The following PDE11A variants were observed in gnomAD, a reference collection of about 807,000 sequenced individuals.
PDE11A encodes the protein dual 3',5'-cyclic-AMP and -GMP phosphodiesterase 11A.
Under a neutral mutation model 100.5 loss-of-function variants are expected in PDE11A, and 100 were observed. That is an observed-to-expected ratio of 1.00 (90% confidence interval 0.85 to 1.18). The LOEUF is 1.18. Ranked by LOEUF, PDE11A falls within the 50% of genes most tolerant of loss-of-function variation. PDE11A has a pLI of 0.00. For synonymous variants in PDE11A, 381 were observed against 420.8 expected (o/e 0.91, Z 1.16); for missense variants, 1,141 against 1,152.6 (o/e 0.99, Z 0.15).
intron 9 of PDE11A, among the ~76,000 whole-genome samples, chr2:177,796,818 C>T (rs918461341): frequency 2.6e-5 from 4 of 152,126 alleles, no homozygotes; most frequent in African/African-American, 4.8e-5. Flanking sequence ...TGTTCTCTTT[C>T]GCACACTGTG....
chr2:178,102,367 T>C (rs1192152652), intron 2 of PDE11A, among the ~76,000 whole-genome samples: 1 of 151,324 alleles, frequency 6.6e-6, no homozygotes, highest in Non-Finnish European at 1.5e-5. Context: ...CCTCGTGATC[T>C]GCCAACCTCG....
intron 5 of PDE11A, among the ~76,000 whole-genome samples, chr2:177,845,017 C>T (rs57855717): frequency 0.81 from 114,572 of 140,666 alleles, 47,500 homozygotes; most frequent in Non-Finnish European, 0.89. Flanking sequence ...ACAAAGCCGC[C>T]ATTGTCATCC....
At chr2:177,916,456 G>A (rs1021537026) in intron 2 of PDE11A, among the ~76,000 whole-genome samples, 14 of 152,112 alleles carry the variant, frequency 9.2e-5, no homozygotes, top group Admixed American at 5.2e-4. Flanking sequence ...TCAGACCCAC[G>A]TTTCAGTCTC....
intron 2 of PDE11A, among the ~76,000 whole-genome samples, chr2:177,964,741 G>A (rs765554974): frequency 1.5e-4 from 23 of 152,092 alleles, no homozygotes; most frequent in African/African-American, 2.7e-4. Flanking sequence ...AGGCTGCATC[G>A]TATTCCATGG....
intron 2 of PDE11A, among the ~76,000 whole-genome samples, chr2:178,096,864 G>T (rs545531791): frequency 1.3e-5 from 2 of 151,938 alleles, no homozygotes; most frequent in South Asian, 4.2e-4. Flanking sequence ...TACCCAGTTA[G>T]CCATAGCTGA....
chr2:177,956,179 C>G (rs967564256), intron 2 of PDE11A, among the ~76,000 whole-genome samples: 15 of 152,160 alleles, frequency 9.9e-5, no homozygotes, highest in African/African-American at 2.4e-4. Flanking sequence ...GGGCTAATAT[C>G]CAGAATCTAC....
rs140616893 is a variant in PDE11A at position 177,732,224 on chromosome 2, G to C, written c.1789-4052C>G. ...CTTATTAGGCTGTAACAATCTTAGAGGCAGATGCCATGTTTATTTTTCTTA... is the reference window on the plus strand; with the variant it reads ...CTTATTAGGCTGTAACAATCTTAGACGCAGATGCCATGTTTATTTTTCTTA... On this transcript the variant is annotated intron_variant, in intron 10 of 19. Transcript: ENST00000286063. Among the ~76,000 whole-genome samples, 527 of 152,218 alleles carry C rather than the reference G, an allele frequency of 3.5e-3. 5 individuals are homozygous for C. Among genetic ancestry groups the C allele is most frequent in the African/African-American group, 0.011 (454 of 41,508 alleles).
At chr2:178,001,127 C>A (rs1211895745) in intron 2 of PDE11A, among the ~76,000 whole-genome samples, 1 of 152,094 alleles carries the variant, frequency 6.6e-6, no homozygotes, top group Admixed American at 6.6e-5. Flanking sequence ...TTAAATGAGA[C>A]AATATATGCA....
rs1287973679 is a variant in PDE11A at position 178,057,732 on chromosome 2, T to C, written c.912+13794A>G. 2.0e-5 allele frequency among the ~76,000 whole-genome samples: 3 copies of C among 152,278 alleles called. No individual in the cohort carries two copies. The East Asian group carries it at 5.8e-4, about 29-fold the overall frequency. ...TTGCTTGATCCCCTGAACCTTCATG[T>C]CTCCAACAGTCACAGCCTGGAGCAT... On this transcript the variant is annotated intron_variant, in intron 1 of 19. Coordinates refer to ENST00000286063, the MANE Select transcript of PDE11A (RefSeq NM_016953.4).
In PDE11A at chr2:177,663,919, G is replaced by C; in HGVS notation, c.2593C>G (p.Leu865Val). ...ATCCACTCCAGTTGCAACCGAGGCA[G>C]TTCATCCTTCCGGTTCCGATCAAAA... ...AIFDRNRKDE[L>V]PRLQLEWIDS... is the part of the protein sequence containing the mutation. Residue 865 changes from leucine to valine, a missense_variant, in exon 19 of 20, where the codon CTG becomes GTG. Transcript: ENST00000286063. The C allele has an allele frequency of 1.9e-6, 3 of 1,612,212 alleles. No individual in the cohort carries two copies. The highest frequency in any genetic ancestry group is 2.5e-6 in the Non-Finnish European group (3 of 1,178,222).
intron 9 of PDE11A, among the ~76,000 whole-genome samples, chr2:177,780,900 A>C (rs562707359): frequency 2.6e-5 from 4 of 152,240 alleles, no homozygotes; most frequent in African/African-American, 7.2e-5. Flanking sequence ...ATCAGCAAAA[A>C]GGCTGTTTCA....
At chr2:177,762,450 G>A (rs987739574) in intron 10 of PDE11A, among the ~76,000 whole-genome samples, 1 of 152,216 alleles carries the variant, frequency 6.6e-6, no homozygotes, top group African/African-American at 2.4e-5. Flanking sequence ...GTTCTGGAAG[G>A]TTCTGATGAC....
At chr2:177,742,215 T>C (rs1027005586) in intron 10 of PDE11A, among the ~76,000 whole-genome samples, 1 of 152,108 alleles carries the variant, frequency 6.6e-6, no homozygotes, top group African/African-American at 2.4e-5. Flanking sequence ...GTTCCTATCA[T>C]TATACTCCCT....
intron 2 of PDE11A, among the ~76,000 whole-genome samples, chr2:177,993,004 G>A (rs1273554180): frequency 6.6e-6 from 1 of 152,154 alleles, no homozygotes; most frequent in East Asian, 1.9e-4. Flanking sequence ...CACTATCTGT[G>A]AGAAGACAAG....
chr2:177,753,955 G>GC (rs576044467), intron 10 of PDE11A, among the ~76,000 whole-genome samples: 1 of 151,746 alleles, frequency 6.6e-6, no homozygotes, highest in East Asian at 1.9e-4. Context: ...TATCTGCCCC[G>GC]CCCCCCATGT....
intron 2 of PDE11A, chr2:177,997,460 C>T: frequency 2.4e-6 from 2 of 827,028 alleles, no homozygotes; most frequent in East Asian, 2.4e-5. Context: ...TGTGCTCTTA[C>T]AAGAAGGAGG....
At chr2:178,073,882 G>A (rs1237816453), upstream of PDE11A, among the ~76,000 whole-genome samples, 4 of 151,200 alleles carry the variant, frequency 2.6e-5, no homozygotes, top group African/African-American at 7.3e-5. Flanking sequence ...TTTACACCAT[G>A]GAAATCAGCA....
At chr2:177,752,200 G>A (rs190294650) in intron 10 of PDE11A, among the ~76,000 whole-genome samples, 12 of 152,250 alleles carry the variant, frequency 7.9e-5, no homozygotes, top group Admixed American at 1.3e-4. Flanking sequence ...AATTTTATAC[G>A]CATATTCTCT....
At chr2:177,770,333 T>C (rs1047203536) in intron 9 of PDE11A, among the ~76,000 whole-genome samples, 3 of 152,180 alleles carry the variant, frequency 2.0e-5, no homozygotes, top group African/African-American at 7.2e-5. Flanking sequence ...GAAGATATAT[T>C]GAGTAGAACT....
Sources: allele counts gnomAD v4.1 joint callset (sites outside exome capture counted in the v4.1 genomes callset), GRCh38; gene constraint gnomAD v4.1.1; transcripts MANE v1.5; gene names NCBI Gene and HGNC (gene_info 2026-07-23, HGNC 2026-07-21).